PXDNL: variants seen among roughly 807,000 people sequenced by gnomAD.
The protein encoded by PXDNL is peroxidasin like, also known as probable oxidoreductase PXDNL.
Under a neutral mutation model 150.8 loss-of-function variants are expected in PXDNL, and 145 were observed. The ratio of observed to expected loss-of-function variants is 0.96; its 90% CI spans 0.84 to 1.10. The LOEUF (loss-of-function observed/expected upper bound fraction) is 1.10. Ranked by LOEUF, PXDNL falls within the 50% of genes least tolerant of loss-of-function variation. PXDNL has a pLI of 0.00. For synonymous variants in PXDNL, 757 were observed against 725.7 expected, an observed-to-expected ratio of 1.04 and a Z score of -0.69; for missense variants, 2,087 against 1,873.9, an observed-to-expected ratio of 1.11 and a Z score of -2.10.
intron 17 of PXDNL, among the ~76,000 whole-genome samples, chr8:51,381,927 A>C (rs1807561973): frequency 6.6e-6 from 1 of 151,944 alleles, no homozygotes; most frequent in Admixed American, 6.6e-5. Flanking sequence ...TTTAACTTTC[A>C]TAACAATAGT....
intron 3 of PXDNL, among the ~76,000 whole-genome samples, chr8:51,583,075 C>G (rs1218296089): frequency 2.0e-5 from 3 of 152,118 alleles, no homozygotes; most frequent in Non-Finnish European, 2.9e-5. Flanking sequence ...TCACAGGGAA[C>G]CAAAGTAAAT....
chr8:51,754,820 T>C (rs2037082940), intron 1 of PXDNL, among the ~76,000 whole-genome samples: 1 of 152,126 alleles, frequency 6.6e-6, no homozygotes, highest in Non-Finnish European at 1.5e-5. Context: ...AAGTCGTTTC[T>C]GACAGGTCAT....
At chr8:51,718,058 C>G (rs1253499991) in intron 1 of PXDNL, among the ~76,000 whole-genome samples, 2 of 152,004 alleles carry the variant, frequency 1.3e-5, no homozygotes, top group African/African-American at 4.8e-5. Flanking sequence ...CAAGAGAAAG[C>G]AGAGAGCAGT....
intron 6 of PXDNL, among the ~76,000 whole-genome samples, chr8:51,478,529 T>C (rs1810530737): frequency 6.6e-6 from 1 of 152,144 alleles, no homozygotes; most frequent in Non-Finnish European, 1.5e-5. Flanking sequence ...TCAAAAACAT[T>C]TTATTGATTT....
intron 1 of PXDNL, among the ~76,000 whole-genome samples, chr8:51,696,273 A>T (rs1196548015): frequency 6.6e-6 from 1 of 152,196 alleles, no homozygotes; most frequent in Non-Finnish European, 1.5e-5. Context: ...TCGAAGTCAT[A>T]ATGGTGGAGC....
At chr8:51,414,064 AAAT>A (rs1261427030) in intron 14 of PXDNL, among the ~76,000 whole-genome samples, 1 of 152,088 alleles carries the variant, frequency 6.6e-6, no homozygotes, top group Non-Finnish European at 1.5e-5. Flanking sequence ...TTGAGTTTGA[AAAT>A]AATGTCATTT....
rs1585588035 is a variant in PXDNL at position 51,570,985 on chromosome 8, A to G, written c.309-14074T>C. ...GAAGTTTCTCCTATATCCTAAAACT[A>G]TGTTCTGCATTATTTCAGAGTGTAA... On this transcript the variant is annotated intron_variant, in intron 3 of 22. Coordinates refer to ENST00000356297, the MANE Select transcript of PXDNL (RefSeq NM_144651.5). Among the ~76,000 whole-genome samples, 3 of 151,922 alleles carry G rather than the reference A, an allele frequency of 2.0e-5. No individual in the cohort carries two copies. In the South Asian group the frequency reaches 6.2e-4, roughly 31 times the overall value.
In PXDNL at chr8:51,453,771, C is replaced by A; in HGVS notation, c.997G>T (p.Val333Leu). ...YSSLPAKPSF[V>L]IQPQDTEVLI... is the part of the protein sequence containing the mutation. ...ACCTCTGTGTCCTGAGGCTGGATTA[C>A]AAAGCTTGGTTTGGCTGATGGTAAA... Residue 333 changes from valine to leucine, a missense_variant, in exon 10 of 23, where the codon GTA (valine) becomes TTA (leucine). Val to Leu is a conservative substitution (Grantham distance 32, BLOSUM62 1). Transcript: ENST00000356297. The A allele has an allele frequency of 1.5e-5, 25 of 1,613,836 alleles. No individual in the cohort carries two copies. The highest frequency in any genetic ancestry group is 2.0e-5 in the Non-Finnish European group (24 of 1,179,826).
At chr8:51,346,154 T>C (rs749000964) in intron 19 of PXDNL, among the ~76,000 whole-genome samples, 2 of 152,206 alleles carry the variant, frequency 1.3e-5, no homozygotes, top group Non-Finnish European at 2.9e-5. Context: ...TGAATCTCTG[T>C]TTTGCAGCAG....
intron 19 of PXDNL, among the ~76,000 whole-genome samples, chr8:51,354,131 T>C (rs1806434482): frequency 6.6e-6 from 1 of 152,138 alleles, no homozygotes; most frequent in South Asian, 2.1e-4. Flanking sequence ...GCAGAGCATA[T>C]ATCCTGTTTA....
chr8:51,493,885 A>G (rs1810965849), intron 5 of PXDNL, among the ~76,000 whole-genome samples: 1 of 152,246 alleles, frequency 6.6e-6, no homozygotes, highest in Non-Finnish European at 1.5e-5. Flanking sequence ...GAACTTCCCA[A>G]TCTAGCAAGG....
chr8:51,412,562 G>T (rs886454011), intron 15 of PXDNL, among the ~76,000 whole-genome samples: 2 of 152,104 alleles, frequency 1.3e-5, no homozygotes, highest in African/African-American at 2.4e-5. Context: ...GACTCAATTT[G>T]GGATTTTACG....
chr8:51,442,984 T>C (rs1256428802), intron 12 of PXDNL, among the ~76,000 whole-genome samples: 3 of 152,158 alleles, frequency 2.0e-5, no homozygotes, highest in African/African-American at 7.2e-5. Flanking sequence ...CCTGACCACA[T>C]GATTTAGTAA....
intron 1 of PXDNL, among the ~76,000 whole-genome samples, chr8:51,673,301 C>G (rs1815537652): frequency 6.6e-6 from 1 of 152,036 alleles, no homozygotes; most frequent in South Asian, 2.1e-4. Context: ...ATAGGAAAAC[C>G]TATAAGAAAA....
At chr8:51,650,715 A>G (rs1242082900) in intron 2 of PXDNL, among the ~76,000 whole-genome samples, 1 of 152,246 alleles carries the variant, frequency 6.6e-6, no homozygotes, top group Non-Finnish European at 1.5e-5. Context: ...AAATTAGTCT[A>G]TTAGCCACTA....
intron 4 of PXDNL, among the ~76,000 whole-genome samples, chr8:51,522,571 C>T (rs948177011): frequency 1.4e-4 from 22 of 152,112 alleles, no homozygotes; most frequent in Admixed American, 1.0e-3. Context: ...AAGGCCGGGG[C>T]GGTGGCTCTC....
At chr8:51,564,826 T>C (rs542396468) in intron 3 of PXDNL, among the ~76,000 whole-genome samples, 286 of 152,138 alleles carry the variant, frequency 1.9e-3, no homozygotes, top group Non-Finnish European at 2.3e-3. Flanking sequence ...TTAACTTTGA[T>C]ACATTAACCT....
chr8:51,655,592 T>C (rs1815133307), intron 1 of PXDNL, among the ~76,000 whole-genome samples: 1 of 152,154 alleles, frequency 6.6e-6, no homozygotes. Context: ...CATGTCATTA[T>C]GGTAAAGACG....
Position 51,781,224 on chromosome 8 carries a change from C to T in PXDNL, c.164+27957G>A, listed in dbSNP as rs112830631. On this transcript the variant is annotated intron_variant, in intron 1 of 22. Coordinates refer to ENST00000356297, the MANE Select transcript of PXDNL (RefSeq NM_144651.5). The stretch of plus-strand genomic sequence containing the variant: ...AATCAGAAGGCTGTTTCCTTTGTGA[C>T]GAATGTTTTCTACAGTGAAAAAGCG... 7.0e-3 allele frequency among the ~76,000 whole-genome samples: 1,067 copies of T among 152,190 alleles called. 11 individuals are homozygous for T. The highest frequency in any genetic ancestry group is 9.6e-3 in the Non-Finnish European group (650 of 68,006).
Sources: gnomAD v4.1 joint callset for allele counts (sites outside exome capture counted in the v4.1 genomes callset) on GRCh38, gnomAD v4.1.1 for gene constraint, MANE v1.5 for transcripts, NCBI Gene and HGNC (gene_info 2026-07-23, HGNC 2026-07-21) for gene names.